The following ANO4 variants were observed in gnomAD, a reference collection of about 807,000 sequenced individuals.
ANO4 encodes the protein anoctamin 4, also known as anoctamin-4.
Under a neutral mutation model 141.9 loss-of-function variants are expected in ANO4, and 69 were observed. The observed-to-expected ratio is 0.49, with a 90% CI of 0.40 to 0.59. The LOEUF is 0.59. Ranked by LOEUF, ANO4 falls within the 20% of genes least tolerant of loss-of-function variation. The probability of loss-of-function intolerance (pLI) is 0.00; values close to 1 mark genes in which losing one functional copy is unlikely to be tolerated. For missense variants in ANO4, 894 were observed against 1,162.2 expected (o/e 0.77, Z 3.36); for synonymous variants, 350 against 394.3 (o/e 0.89, Z 1.33).
intron 1 of ANO4, among the ~76,000 whole-genome samples, chr12:100,878,960 C>A (rs1471739557): frequency 6.6e-5 from 10 of 152,054 alleles, no homozygotes; most frequent in Admixed American, 5.2e-4. Context: ...AGTAACCAAC[C>A]CCTGGGAAGG....
intron 15 of ANO4, among the ~76,000 whole-genome samples, chr12:101,081,174 T>C (rs369885271): frequency 1.3e-4 from 20 of 152,006 alleles, no homozygotes; most frequent in African/African-American, 4.8e-4. Flanking sequence ...TTATATGTGT[T>C]CATGGGAACA....
At chr12:101,073,052 A>T (rs2048884401) in intron 14 of ANO4, among the ~76,000 whole-genome samples, 1 of 152,230 alleles carries the variant, frequency 6.6e-6, no homozygotes, top group African/African-American at 2.4e-5. Context: ...TAGAACTGGA[A>T]ATACCATTTG....
At chr12:100,846,107 T>C (rs1040032188) in intron 1 of ANO4, among the ~76,000 whole-genome samples, 4 of 152,218 alleles carry the variant, frequency 2.6e-5, no homozygotes, top group Admixed American at 1.3e-4. Flanking sequence ...TTATGAGGCA[T>C]ATATGAGATT....
chr12:100,859,887 G>C (rs1415025182), intron 1 of ANO4, among the ~76,000 whole-genome samples: 3 of 152,004 alleles, frequency 2.0e-5, no homozygotes, highest in Non-Finnish European at 4.4e-5. Context: ...TATTAATGTT[G>C]TTAATATCTG....
rs1196135473 is a variant in ANO4, at chr12:100,754,833, T to C, written c.358+14728T>C. ...GCCAGGCACAAAATACCACATCTTG[T>C]ATGATTCCATTTATATGAAATAGAG... On this transcript the variant is annotated intron_variant, in intron 3 of 29. Transcript: ENST00000644049. Among the ~76,000 whole-genome samples, 3 of 152,152 alleles carry C rather than the reference T, an allele frequency of 2.0e-5. No homozygotes were observed. The East Asian group carries it at 5.8e-4, about 29-fold the overall frequency.
At chr12:101,044,670 A>G (rs900166164) in intron 13 of ANO4, among the ~76,000 whole-genome samples, 1 of 152,204 alleles carries the variant, frequency 6.6e-6, no homozygotes, top group Non-Finnish European at 1.5e-5. Context: ...GATCCCGCCT[A>G]TCTATAATGT....
chr12:100,764,950 T>G (rs184195783), intron 3 of ANO4, among the ~76,000 whole-genome samples: 32 of 152,318 alleles, frequency 2.1e-4, no homozygotes, highest in South Asian at 8.3e-4. Context: ...TCATCTGGCT[T>G]TGGTATTAGG....
chr12:101,121,353 A>G (rs549502095), intron 26 of ANO4, among the ~76,000 whole-genome samples: 7 of 152,236 alleles, frequency 4.6e-5, no homozygotes, highest in South Asian at 2.1e-4. Flanking sequence ...CAGTTTCTAC[A>G]TTATTTCACT....
intron 1 of ANO4, among the ~76,000 whole-genome samples, chr12:100,899,324 T>G (rs1186202352): frequency 1.3e-5 from 2 of 152,174 alleles, no homozygotes; most frequent in Non-Finnish European, 2.9e-5. Flanking sequence ...ATCTGTTAGC[T>G]CACACTGAGA....
At chr12:100,782,386 G>C (rs1273929292) in intron 3 of ANO4, among the ~76,000 whole-genome samples, 1 of 152,130 alleles carries the variant, frequency 6.6e-6, no homozygotes, top group African/African-American at 2.4e-5. Flanking sequence ...AAGGTCACCT[G>C]ATTATGGTTA....
chr12:100,903,487 T>C (rs146945282), intron 2 of ANO4, among the ~76,000 whole-genome samples: 446 of 152,346 alleles, frequency 2.9e-3, no homozygotes, highest in Middle Eastern at 0.01. Flanking sequence ...AAATGCCTTT[T>C]GTGATCTGGC....
At chr12:100,961,803 C>A (rs142432304) in intron 5 of ANO4, among the ~76,000 whole-genome samples, 1 of 152,278 alleles carries the variant, frequency 6.6e-6, no homozygotes, top group African/African-American at 2.4e-5. Flanking sequence ...TGTTTAATGG[C>A]CCCAGTTGCC....
chr12:100,880,433 G>A (rs2135954343), intron 1 of ANO4, among the ~76,000 whole-genome samples: 1 of 152,268 alleles, frequency 6.6e-6, no homozygotes, highest in Admixed American at 6.5e-5. Flanking sequence ...AAGCGTAGAG[G>A]TGCCTCATTC....
intron 3 of ANO4, among the ~76,000 whole-genome samples, chr12:100,773,475 C>G (rs1013166041): frequency 1.3e-5 from 2 of 152,184 alleles, no homozygotes; most frequent in African/African-American, 4.8e-5. Context: ...CCCCCACACC[C>G]CACATTTAGA....
At chr12:100,734,605 C>A (rs568621916) in intron 2 of ANO4, among the ~76,000 whole-genome samples, 2 of 152,310 alleles carry the variant, frequency 1.3e-5, no homozygotes, top group South Asian at 2.1e-4. Context: ...ACTGTTATTT[C>A]TCCATTTTAC....
chr12:101,032,827 G>A (rs2047030440), intron 9 of ANO4, among the ~76,000 whole-genome samples: 2 of 151,456 alleles, frequency 1.3e-5, no homozygotes. Flanking sequence ...AACAGGTGCT[G>A]GAGAGGATGT....
chr12:100,868,234 C>T (rs921302042), intron 1 of ANO4, among the ~76,000 whole-genome samples: 8 of 152,176 alleles, frequency 5.3e-5, no homozygotes, highest in African/African-American at 1.7e-4. Context: ...CCTGAGGCAG[C>T]ATTGTTGGGT....
chr12:100,820,562 T>C (rs2135735018), intron 1 of ANO4, among the ~76,000 whole-genome samples: 1 of 152,110 alleles, frequency 6.6e-6, no homozygotes, highest in African/African-American at 2.4e-5. Context: ...TAACTCCCCA[T>C]GATAAAATAA....
chr12:100,765,147 C>G (rs1450503561), intron 3 of ANO4, among the ~76,000 whole-genome samples: 1 of 152,140 alleles, frequency 6.6e-6, no homozygotes, highest in African/African-American at 2.4e-5. Context: ...TGTTATTCTT[C>G]TGTTCCGAGA....
Sources: gnomAD v4.1 joint callset for allele counts (sites outside exome capture counted in the v4.1 genomes callset) on GRCh38, gnomAD v4.1.1 for gene constraint, MANE v1.5 for transcripts, NCBI Gene and HGNC (gene_info 2026-07-23, HGNC 2026-07-21) for gene names.